The following SOD2 variants were observed in gnomAD, a reference collection of about 807,000 sequenced individuals.
The protein encoded by SOD2 is superoxide dismutase 2.
A neutral mutation model predicts 27.0 loss-of-function variants in SOD2; 11 were observed. That is an observed-to-expected ratio of 0.41 (90% CI 0.26 to 0.67). The LOEUF (loss-of-function observed/expected upper bound fraction) is 0.67, where lower values mean the gene tolerates loss of function less well. SOD2 is among the 30% of genes least tolerant of loss of function. SOD2 has a pLI of 0.34. For synonymous variants in SOD2, 105 were observed against 103.0 expected (o/e 1.02, Z -0.12); for missense variants, 250 against 274.5 (o/e 0.91, Z 0.63).
chr6:159,728,139 G>A (rs1032697861), upstream of SOD2, among the ~76,000 whole-genome samples: 1 of 152,244 alleles, frequency 6.6e-6, no homozygotes, highest in Non-Finnish European at 1.5e-5. Context: ...CACGCAGTAG[G>A]ATGTTACTAC....
intron 1 of SOD2, among the ~76,000 whole-genome samples, chr6:159,744,200 G>A (rs1365931061): frequency 1.3e-5 from 2 of 152,098 alleles, no homozygotes; most frequent in Non-Finnish European, 2.9e-5. Flanking sequence ...TTTTCCTAGT[G>A]TCAGCAACCT....
upstream of SOD2, among the ~76,000 whole-genome samples, chr6:159,747,989 G>T (rs1779677872): frequency 6.6e-6 from 1 of 151,980 alleles, no homozygotes; most frequent in Non-Finnish European, 1.5e-5. Flanking sequence ...ATCAGATCGG[G>T]GTAATTAGCA....
intron 1 of SOD2, chr6:159,713,550 G>A (rs1362025077): frequency 1.4e-5 from 10 of 738,564 alleles, no homozygotes; most frequent in Admixed American, 1.0e-4. Flanking sequence ...CTGTGCTTCT[G>A]CCCTGAAAGT....
At position 159,712,444 on chromosome 6, in the gene SOD2, AC is replaced by A. The variant is rs1562438760; in HGVS notation, c.-116+14684del. Among the ~76,000 whole-genome samples the A allele has an allele frequency of 1.0e-3, 13 of 12,480 alleles. 2 individuals are homozygous for A. The highest frequency in any genetic ancestry group is 2.1e-3 in the Non-Finnish European group (11 of 5,230). 8.2% of individuals were successfully genotyped at this position (12,480 alleles called of 152,430 possible). A position where few individuals can be genotyped will look rare whatever the true frequency, so the allele number is the denominator to read the frequency against. On this transcript the variant is annotated intron_variant, in intron 1 of 2. Coordinates refer to the SOD2 transcript ENST00000401980. ...AACCACCTCCATAACCACCACTCAC[AC>A]TGCTCAGACCTCCATAACCACCTCC...
At chr6:159,692,274 C>T (rs1777238433) in intron 2 of SOD2, 2 of 643,036 alleles carry the variant, frequency 3.1e-6, no homozygotes, top group Non-Finnish European at 4.5e-6. Flanking sequence ...AGAGACCAAA[C>T]ATTTCCCCAA....
At chr6:159,693,424 C>G (rs1777340651), upstream of SOD2, 1 of 163,940 alleles carries the variant, frequency 6.1e-6, no homozygotes, top group Non-Finnish European at 1.3e-5. Context: ...GCCGTACACC[C>G]CGCGCCCAGG....
At chr6:159,702,521 C>T (rs1777539832) in intron 1 of SOD2, among the ~76,000 whole-genome samples, 1 of 151,334 alleles carries the variant, frequency 6.6e-6, no homozygotes, top group Non-Finnish European at 1.5e-5. Context: ...TCTCAACCTC[C>T]CAACCTCAGA....
chr6:159,723,693 A>G (rs1045625634), intron 1 of SOD2, among the ~76,000 whole-genome samples: 1 of 152,172 alleles, frequency 6.6e-6, no homozygotes, highest in African/African-American at 2.4e-5. Flanking sequence ...GTTTGTGGCA[A>G]ACTAGAACAA....
At chr6:159,749,295 G>C, upstream of SOD2, 1 of 985,720 alleles carries the variant, frequency 1.0e-6, no homozygotes, top group South Asian at 4.7e-5. Context: ...TGAAATCCCC[G>C]TTCCATTCAA....
chr6:159,678,888 T>A lies in SOD2; in HGVS notation c.*3605A>T, dbSNP rs1440499583. 3 of 152,232 alleles carry A rather than the reference T, an allele frequency of 2.0e-5. No individual in the cohort carries two copies. The highest frequency in any genetic ancestry group is 4.4e-5 in the Non-Finnish European group (3 of 68,040). 9.4% of individuals were successfully genotyped at this position (152,232 alleles called of 1,614,324 possible). On this transcript the variant is annotated 3_prime_UTR_variant, in exon 5 of 5. Coordinates refer to ENST00000538183, the MANE Select transcript of SOD2 (RefSeq NM_000636.4). ...CCTGGTGTAAAAGTATTGAGTGGTA[T>A]GTGACAACAGCAAAAACACTTTGGT... is the stretch of plus-strand genomic sequence containing the variant.
rs928757320 is a variant in SOD2, at chr6:159,726,869, G to A, written c.-116+260C>T. 4.0e-5 allele frequency: 52 copies of A among 1,289,120 alleles called. 1 individual carries two copies. In the East Asian group the frequency reaches 2.2e-3, roughly 55 times the overall value. The allele number at this position is 1,289,120 out of a possible 1,614,324, so 79.9% of individuals were successfully genotyped here. Reference sequence around the variant, plus strand: ...AAACTTACAGGTGAGCTTCTGCTAAGAGTAAACGCCCGCGGCTCGCCGCCC... The same window carrying A: ...AAACTTACAGGTGAGCTTCTGCTAAAAGTAAACGCCCGCGGCTCGCCGCCC... On this transcript the variant is annotated intron_variant, in intron 1 of 2. Coordinates refer to the SOD2 transcript ENST00000401980.
chr6:159,740,693 TTTTC>T (rs1350613959), intron 1 of SOD2, among the ~76,000 whole-genome samples: 1 of 151,612 alleles, frequency 6.6e-6, no homozygotes, highest in Non-Finnish European at 1.5e-5. Context: ...GGTTTTTTTT[TTTTC>T]TTTTTTCTTT....
At chr6:159,708,389 T>C (rs531942801) in intron 1 of SOD2, among the ~76,000 whole-genome samples, 9 of 152,208 alleles carry the variant, frequency 5.9e-5, no homozygotes, top group African/African-American at 1.9e-4. Context: ...CAGCCCAAAA[T>C]CTCCTTAAGC....
At chr6:159,710,245 T>C (rs557988944) in intron 1 of SOD2, among the ~76,000 whole-genome samples, 132 of 146,638 alleles carry the variant, frequency 9.0e-4, no homozygotes, top group African/African-American at 3.2e-3. Flanking sequence ...TGTGCACATG[T>C]ACCCTAGAAC....
chr6:159,759,286 C>T (rs1244463989), intron 1 of SOD2, among the ~76,000 whole-genome samples: 2 of 150,048 alleles, frequency 1.3e-5, no homozygotes, highest in African/African-American at 2.4e-5. Flanking sequence ...CTTGAACTCC[C>T]GACCTCAGGT....
Position 159,677,089 on chromosome 6 carries a change from A to C in SOD2, c.*5404T>G, listed in dbSNP as rs1248662146. On this transcript the variant is annotated 3_prime_UTR_variant, in exon 5 of 5. Transcript: ENST00000538183. ...TTAAGTCACATTGTTTAATATTTGG[A>C]TATGGGCCCAGACGCACAAATGAAC... is the stretch of plus-strand genomic sequence containing the variant. The C allele has an allele frequency of 6.6e-6, 1 of 152,192 alleles. No homozygotes were observed. The highest frequency in any genetic ancestry group is 1.5e-5 in the Non-Finnish European group (1 of 68,034). 9.4% of individuals were successfully genotyped at this position (152,192 alleles called of 1,614,324 possible).
At chr6:159,738,801 C>T (rs535518875) in intron 1 of SOD2, among the ~76,000 whole-genome samples, 1 of 151,696 alleles carries the variant, frequency 6.6e-6, no homozygotes, top group East Asian at 1.9e-4. Context: ...AATGATGATG[C>T]CCATTGTTAA....
At chr6:159,701,115 C>A (rs560373897) in intron 1 of SOD2, among the ~76,000 whole-genome samples, 1 of 152,248 alleles carries the variant, frequency 6.6e-6, no homozygotes, top group East Asian at 1.9e-4. Context: ...TAACCCCACA[C>A]CTGCTTCCTC....
chr6:159,692,834 C>T lies in SOD2; in HGVS notation c.53G>A (p.Gly18Glu). 1.2e-6 allele frequency: 2 copies of T among 1,613,038 alleles called. No homozygotes were observed. Among genetic ancestry groups the T allele is most frequent in the Non-Finnish European group, 1.7e-6 (2 of 1,179,718 alleles). The change falls in exon 2 of 5, where the codon GGG (glycine) becomes GAG (glutamate). Residue 18 changes from glycine (G) to glutamate (E), a missense_variant. Coordinates refer to ENST00000538183, the MANE Select transcript of SOD2 (RefSeq NM_000636.4). ...GTGCTTCTGCCTGGAGCCCAGATACCCCAAAACCGGAGCCAGCTGCCTGCT... is the reference window on the plus strand; with the variant it reads ...GTGCTTCTGCCTGGAGCCCAGATACTCCAAAACCGGAGCCAGCTGCCTGCT... ...GTSRQLAPVL[G>E]YLGSRQKHSL...
Sources: allele counts gnomAD v4.1 joint callset (sites outside exome capture counted in the v4.1 genomes callset), GRCh38; gene constraint gnomAD v4.1.1; transcripts MANE v1.5; gene names NCBI Gene and HGNC (gene_info 2026-07-23, HGNC 2026-07-21).